The following GRM8 variants were observed in gnomAD, a reference collection of about 807,000 sequenced individuals.
GRM8 encodes metabotropic glutamate receptor 8.
Under a neutral mutation model 87.2 loss-of-function variants are expected in GRM8, and 47 were observed. The observed-to-expected ratio is 0.54, with a 90% CI of 0.43 to 0.69. The LOEUF (loss-of-function observed/expected upper bound fraction) is 0.69. GRM8 is among the 30% of genes least tolerant of loss of function. The probability of loss-of-function intolerance (pLI) is 0.00; values close to 1 mark genes in which losing one functional copy is unlikely to be tolerated. For missense variants in GRM8, 1,019 were observed against 1,139.2 expected, an observed-to-expected ratio of 0.89 and a Z score of 1.52; for synonymous variants, 396 against 404.5, an observed-to-expected ratio of 0.98 and a Z score of 0.25.
intron 7 of GRM8, among the ~76,000 whole-genome samples, chr7:126,667,327 G>A (rs1244778107): frequency 6.6e-6 from 1 of 152,168 alleles, no homozygotes; most frequent in Non-Finnish European, 1.5e-5. Context: ...CAGGAAGCAG[G>A]ATGCCTACAA....
chr7:126,731,682 C>A (rs1813595942), intron 7 of GRM8, among the ~76,000 whole-genome samples: 1 of 151,994 alleles, frequency 6.6e-6, no homozygotes, highest in South Asian at 2.1e-4. Context: ...TAGAATATTT[C>A]TCCAGCACAT....
chr7:127,191,311 T>C (rs181165734), intron 2 of GRM8, among the ~76,000 whole-genome samples: 121 of 152,302 alleles, frequency 7.9e-4, no homozygotes, highest in Non-Finnish European at 1.3e-3. Flanking sequence ...TATTTCTGGG[T>C]TCAATGCATT....
intron 8 of GRM8, among the ~76,000 whole-genome samples, chr7:126,557,598 G>T (rs1452444822): frequency 6.6e-6 from 1 of 152,152 alleles, no homozygotes; most frequent in East Asian, 1.9e-4. Context: ...TGTGAGTAAA[G>T]AATTAAAATA....
At chr7:127,061,763 T>C (rs1266028704) in intron 3 of GRM8, among the ~76,000 whole-genome samples, 1 of 152,196 alleles carries the variant, frequency 6.6e-6, no homozygotes, top group East Asian at 1.9e-4. Flanking sequence ...TTGTCACTGC[T>C]CAATTCAGGC....
At chr7:127,116,487 A>G (rs547533837) in intron 2 of GRM8, among the ~76,000 whole-genome samples, 1 of 152,326 alleles carries the variant, frequency 6.6e-6, no homozygotes, top group African/African-American at 2.4e-5. Context: ...ACCAAATGGA[A>G]AAAGCAGGCA....
chr7:126,600,348 C>A lies in GRM8; in HGVS notation c.1494+9014G>T, dbSNP rs1437480991. ...AAATATTGTATTGGCAGATGTGAAA[C>A]CTGCCTATAAGAAGGCCTGATTTTT... On this transcript the variant is annotated intron_variant, in intron 8 of 10. Transcript: ENST00000339582. Among the ~76,000 whole-genome samples, 3 of 151,928 alleles carry A rather than the reference C, an allele frequency of 2.0e-5. No individual in the cohort carries two copies. The East Asian group carries it at 5.8e-4, about 29-fold the overall frequency.
In GRM8 at chr7:127,220,651, AT is replaced by A. The variant is rs202037151; in HGVS notation, c.510+22043del. Among the ~76,000 whole-genome samples the A allele has an allele frequency of 2.9e-3, 446 of 151,520 alleles. 3 individuals carry two copies. Among genetic ancestry groups the A allele is most frequent in the African/African-American group, 1.0e-2 (413 of 41,308 alleles). ...AGGTGCATGCCACCATGTCCAGCTA[AT>A]TTTAAAAAAAAAAAATTGTAGAAAC... On this transcript the variant is annotated intron_variant, in intron 2 of 10. Coordinates refer to ENST00000339582, the MANE Select transcript of GRM8 (RefSeq NM_000845.3).
At chr7:126,778,611 CAT>C (rs1240574272) in intron 6 of GRM8, among the ~76,000 whole-genome samples, 5 of 152,242 alleles carry the variant, frequency 3.3e-5, no homozygotes, top group East Asian at 1.9e-4. Flanking sequence ...AGATCATACA[CAT>C]GAGAGACAAA....
intron 3 of GRM8, among the ~76,000 whole-genome samples, chr7:127,024,819 A>G (rs2132247609): frequency 6.6e-6 from 1 of 152,058 alleles, no homozygotes; most frequent in South Asian, 2.1e-4. Context: ...ATCAGCTCCA[A>G]AAGGCCACCT....
At chr7:127,044,813 C>A (rs963455375) in intron 3 of GRM8, among the ~76,000 whole-genome samples, 5 of 152,134 alleles carry the variant, frequency 3.3e-5, no homozygotes, top group South Asian at 4.2e-4. Flanking sequence ...ATGCTAAGTG[C>A]TTTAAGTGTA....
At chr7:126,531,794 C>T (rs1814864259) in intron 9 of GRM8, among the ~76,000 whole-genome samples, 1 of 152,222 alleles carries the variant, frequency 6.6e-6, no homozygotes, top group Admixed American at 6.5e-5. Flanking sequence ...TACTAATGAG[C>T]TTTCTGTCCC....
intron 2 of GRM8, among the ~76,000 whole-genome samples, chr7:127,113,880 T>C (rs1826536895): frequency 6.6e-6 from 1 of 152,128 alleles, no homozygotes; most frequent in African/African-American, 2.4e-5. Flanking sequence ...AATCAGAAAT[T>C]AGATATAAAT....
intron 2 of GRM8, among the ~76,000 whole-genome samples, chr7:127,206,828 C>T (rs1044541094): frequency 6.6e-6 from 1 of 152,204 alleles, no homozygotes; most frequent in Non-Finnish European, 1.5e-5. Context: ...CACTGGTTAC[C>T]TCGGACATTC....
intron 3 of GRM8, among the ~76,000 whole-genome samples, chr7:127,060,031 T>G (rs1333458176): frequency 6.6e-6 from 1 of 152,186 alleles, no homozygotes; most frequent in Non-Finnish European, 1.5e-5. Context: ...AAGTCACTGG[T>G]AGACATTTTC....
intron 3 of GRM8, among the ~76,000 whole-genome samples, chr7:126,986,988 A>T (rs891675033): frequency 3.9e-5 from 6 of 152,172 alleles, no homozygotes; most frequent in Non-Finnish European, 8.8e-5. Flanking sequence ...AAATGGGAAA[A>T]CTGCGCGTAA....
chr7:127,015,275 A>C (rs1035363048), intron 3 of GRM8, among the ~76,000 whole-genome samples: 2 of 151,596 alleles, frequency 1.3e-5, no homozygotes, highest in African/African-American at 4.8e-5. Context: ...AGAGAGAGAG[A>C]GAGAGAGAGA....
chr7:127,216,535 C>CAAAAAAAAAAAAAAAAAAAAAA (rs796757040), intron 2 of GRM8, among the ~76,000 whole-genome samples: 1 of 115,958 alleles, frequency 8.6e-6, no homozygotes. Flanking sequence ...AAAAAAAAAA[C>CAAAAAAAAAAAAAAAAAAAAAA]AAAAAAAAAA....
rs562612326 is a variant in GRM8 at position 127,023,998 on chromosome 7, C to T, written c.727+82498G>A. Among the ~76,000 whole-genome samples, 14 of 152,222 alleles carry T rather than the reference C, an allele frequency of 9.2e-5. No individual in the cohort carries two copies. The East Asian group carries it at 1.5e-3, about 17-fold the overall frequency. Reference sequence around the variant, plus strand: ...TCTGCATGTAGGGAGGACTATTTCACGTGTTCCTTTTGATATTAAAGTCTT... The same window carrying T: ...TCTGCATGTAGGGAGGACTATTTCATGTGTTCCTTTTGATATTAAAGTCTT... On this transcript the variant is annotated intron_variant, in intron 3 of 10. Coordinates refer to ENST00000339582, the MANE Select transcript of GRM8 (RefSeq NM_000845.3).
chr7:126,477,581 GAGAAAGAAAGAAAGAAAGAAAGAA>G (rs36192147), intron 9 of GRM8, among the ~76,000 whole-genome samples: 2 of 79,168 alleles, frequency 2.5e-5, no homozygotes, highest in African/African-American at 6.1e-5. Flanking sequence ...GAAAGAAAGA[GAGAAAGAAAGAAAGAAAGAAAGAA>G]AGAAAGAAAG....
Sources: allele counts gnomAD v4.1 joint callset (sites outside exome capture counted in the v4.1 genomes callset), GRCh38; gene constraint gnomAD v4.1.1; transcripts MANE v1.5; gene names NCBI Gene and HGNC (gene_info 2026-07-23, HGNC 2026-07-21).